The following GNG7 variants were observed in gnomAD, a reference collection of about 807,000 sequenced individuals.
GNG7 encodes guanine nucleotide-binding protein G(I)/G(S)/G(O) subunit gamma-7.
In GNG7, 1 loss-of-function variant was observed where a neutral mutation model predicts 4.0. That is an observed-to-expected ratio of 0.25 (90% CI 0.09 to 1.18). The LOEUF (loss-of-function observed/expected upper bound fraction) is 1.18, where lower values mean the gene tolerates loss of function less well. Among genes scored for constraint, GNG7 ranks in the 50% most tolerant of loss-of-function variants. GNG7 has a pLI of 0.50. For synonymous variants in GNG7, 34 were observed against 36.9 expected (o/e 0.92, Z 0.29); for missense variants, 86 against 91.9 (o/e 0.94, Z 0.26).
intron 2 of GNG7, among the ~76,000 whole-genome samples, chr19:2,640,273 G>A (rs1982471638): frequency 6.6e-6 from 1 of 151,942 alleles, no homozygotes; most frequent in Non-Finnish European, 1.5e-5. Context: ...GAGAGAGGAA[G>A]AGAGAAAGAA....
chr19:2,687,712 A>T (rs1014369366), intron 1 of GNG7, among the ~76,000 whole-genome samples: 5 of 151,998 alleles, frequency 3.3e-5, no homozygotes, highest in African/African-American at 1.2e-4. Flanking sequence ...GCGGTGGCTC[A>T]CGCCTGTAAT....
At chr19:2,522,479 AG>A (rs2144729693) in intron 3 of GNG7, among the ~76,000 whole-genome samples, 1 of 151,918 alleles carries the variant, frequency 6.6e-6, no homozygotes, top group African/African-American at 2.4e-5. Flanking sequence ...CTTAGTGATA[AG>A]AAGGAAAGGA....
intron 3 of GNG7, among the ~76,000 whole-genome samples, chr19:2,548,497 A>C (rs557807775): frequency 0.036 from 5,341 of 147,042 alleles, 372 homozygotes; most frequent in African/African-American, 0.13. Context: ...AAAAAAAAAA[A>C]AAAAAACCTA....
chr19:2,693,839 G>T (rs185795838), intron 1 of GNG7, among the ~76,000 whole-genome samples: 1 of 152,222 alleles, frequency 6.6e-6, no homozygotes, highest in Admixed American at 6.5e-5. Context: ...AAGGGTTAAA[G>T]AATGAACGCC....
chr19:2,602,922 T>TTTCTTTCTTTCTTTCTTTC (rs1491446709), intron 2 of GNG7, among the ~76,000 whole-genome samples: 85 of 149,324 alleles, frequency 5.7e-4, no homozygotes, highest in African/African-American at 2.0e-3. Context: ...TCTTTCTTTC[T>TTTCTTTCTTTCTTTCTTTC]TTTTGTTTCT....
rs533833715 is a variant in GNG7, at chr19:2,615,274, T to C, written c.-78+30950A>G. On this transcript the variant is annotated intron_variant, in intron 2 of 4. Coordinates refer to ENST00000382159, the MANE Select transcript of GNG7 (RefSeq NM_052847.3). ...CCTCCCAGGTTCCCACCATTCAGGC[T>C]CCCCCAGACCTCCGCCTCCAGGGAG... 8.7e-5 allele frequency among the ~76,000 whole-genome samples: 13 copies of C among 150,152 alleles called. No individual in the cohort carries two copies. In the South Asian group the frequency reaches 2.5e-3, roughly 29 times the overall value.
rs575754385 is a variant in GNG7, at chr19:2,609,952, G to A, written c.-78+36272C>T. Among the ~76,000 whole-genome samples, 18 of 152,006 alleles carry A rather than the reference G, an allele frequency of 1.2e-4. No homozygotes were observed. Among genetic ancestry groups the A allele is most frequent in the South Asian group, 4.2e-4 (2 of 4,788 alleles). Reference sequence around the variant, plus strand: ...CGTGCACCTTAAACGGCCAAGGTCCGTCACTACCACCGAGCACCTGCCAGG... The same window carrying A: ...CGTGCACCTTAAACGGCCAAGGTCCATCACTACCACCGAGCACCTGCCAGG... On this transcript the variant is annotated intron_variant, in intron 2 of 4. Transcript: ENST00000382159. This position sits in a 1 kb window ranked among gnomAD's most constrained non-coding sequence, Gnocchi z 4.4.
At chr19:2,658,024 T>C (rs1213931621) in intron 1 of GNG7, among the ~76,000 whole-genome samples, 4 of 152,114 alleles carry the variant, frequency 2.6e-5, no homozygotes, top group African/African-American at 9.7e-5. Context: ...TTGTCTTGTA[T>C]CCAATAAATA....
chr19:2,515,342 T>C (rs565084683), intron 4 of GNG7, among the ~76,000 whole-genome samples, 195 bp from the exon 5 acceptor site: 5 of 152,180 alleles, frequency 3.3e-5, no homozygotes, highest in Non-Finnish European at 2.9e-5. Flanking sequence ...GGCTCTGACA[T>C]AGGCCACAAC....
intron 3 of GNG7, among the ~76,000 whole-genome samples, chr19:2,535,670 T>C (rs1599377723): frequency 6.6e-6 from 1 of 152,332 alleles, no homozygotes; most frequent in Middle Eastern, 3.4e-3. Flanking sequence ...TGATGCGGGC[T>C]TCAAATGTTA....
chr19:2,673,689 ATC>A (rs1983522284), intron 1 of GNG7, among the ~76,000 whole-genome samples: 1 of 122,522 alleles, frequency 8.2e-6, no homozygotes, highest in Non-Finnish European at 1.7e-5. Context: ...GCGAGACTCC[ATC>A]TAAAAAAAAA....
chr19:2,669,683 C>A (rs1216432165), intron 1 of GNG7, among the ~76,000 whole-genome samples: 1 of 152,042 alleles, frequency 6.6e-6, no homozygotes, highest in African/African-American at 2.4e-5. Flanking sequence ...CTCAGAGCGT[C>A]GAAAATATTT....
At chr19:2,594,398 A>AGGGAAG (rs1568256131) in intron 2 of GNG7, among the ~76,000 whole-genome samples, 2 of 98,812 alleles carry the variant, frequency 2.0e-5, no homozygotes, top group African/African-American at 8.1e-5. Flanking sequence ...AAGGAAAGAA[A>AGGGAAG]GAAGGAGGGA....
At chr19:2,684,855 G>T (rs1301712899) in intron 1 of GNG7, among the ~76,000 whole-genome samples, 1 of 152,172 alleles carries the variant, frequency 6.6e-6, no homozygotes, top group Non-Finnish European at 1.5e-5. Context: ...CGGGCGCAGT[G>T]GCTCACGCCT....
Position 2,589,638 on chromosome 19 carries a change from C to T in GNG7, c.-77-34450G>A, listed in dbSNP as rs144596135. On this transcript the variant is annotated intron_variant, in intron 2 of 4. Coordinates refer to ENST00000382159, the MANE Select transcript of GNG7 (RefSeq NM_052847.3). ...CTCCTCCCATGTCAGATGATGGCAG[C>T]AGTAAGGAAATGATGCCTTGATTTA... Among the ~76,000 whole-genome samples, 184 of 152,200 alleles carry T rather than the reference C, an allele frequency of 1.2e-3. 1 individual carries two copies. Among genetic ancestry groups the T allele is most frequent in the East Asian group, 8.3e-3 (43 of 5,182 alleles).
chr19:2,599,055 C>A (rs1169890470), intron 2 of GNG7, among the ~76,000 whole-genome samples: 1 of 152,160 alleles, frequency 6.6e-6, no homozygotes, highest in African/African-American at 2.4e-5. Context: ...GAAGCGGGTG[C>A]CCCGCGCTCG....
chr19:2,696,292 G>GAGAAAGAAAGAAAGAAAGAAAGAA (rs796306243), intron 1 of GNG7, among the ~76,000 whole-genome samples: 9 of 108,512 alleles, frequency 8.3e-5, no homozygotes, highest in Admixed American at 1.0e-4. Flanking sequence ...AAGAGAGAGA[G>GAGAAAGAAAGAAAGAAAGAAAGAA]AGAAAGAAAG....
chr19:2,673,067 T>G (rs981636458), intron 1 of GNG7, among the ~76,000 whole-genome samples: 4 of 150,268 alleles, frequency 2.7e-5, no homozygotes, highest in Admixed American at 2.7e-4. Flanking sequence ...CCATCCTGGC[T>G]AACACGGTGA....
At chr19:2,531,774 A>ACCC (rs1168641834) in intron 3 of GNG7, among the ~76,000 whole-genome samples, 4,535 of 145,066 alleles carry the variant, frequency 0.031, 89 homozygotes, top group African/African-American at 0.041. Flanking sequence ...CCGTCCCAAA[A>ACCC]AAAAAAAAAA....
Sources: gnomAD v4.1 joint callset for allele counts (sites outside exome capture counted in the v4.1 genomes callset) on GRCh38, gnomAD v4.1.1 for gene constraint, Gnocchi (gnomAD v3.1) non-coding constraint, MANE v1.5 for transcripts, NCBI Gene and HGNC (gene_info 2026-07-23, HGNC 2026-07-21) for gene names.